The following ROR1 variants were observed in gnomAD, a reference collection of about 807,000 sequenced individuals.
The protein encoded by ROR1 is ROR family WNT receptor 1, also known as inactive tyrosine-protein kinase transmembrane receptor ROR1.
Under a neutral mutation model 78.8 loss-of-function variants are expected in ROR1, and 19 were observed. The observed-to-expected ratio is 0.24, with a 90% confidence interval of 0.17 to 0.35. The LOEUF is 0.35. Among genes scored for constraint, ROR1 ranks in the 10% least tolerant of loss-of-function variants. The probability of loss-of-function intolerance (pLI) is 1.00; values close to 1 mark genes in which losing one functional copy is unlikely to be tolerated. For missense variants in ROR1, 917 were observed against 1,177.8 expected (o/e 0.78, Z 3.24); for synonymous variants, 386 against 433.6 (o/e 0.89, Z 1.36).
rs539017024 is a variant in ROR1, at chr1:64,031,349, T to C, written c.164-18342T>C. ...GACTGTAGAAGTCAGATGGATGAGGTACTTAGCCTTGCTATCCTGAGTACA... is the reference window on the plus strand; with the variant it reads ...GACTGTAGAAGTCAGATGGATGAGGCACTTAGCCTTGCTATCCTGAGTACA... On this transcript the variant is annotated intron_variant, in intron 2 of 8. Coordinates refer to ENST00000371079, the MANE Select transcript of ROR1 (RefSeq NM_005012.4). 1.8e-4 allele frequency among the ~76,000 whole-genome samples: 28 copies of C among 152,280 alleles called. 1 individual carries two copies. The East Asian group carries it at 5.4e-3, about 29-fold the overall frequency.
At chr1:63,815,060 G>GA (rs1173342705) in intron 1 of ROR1, among the ~76,000 whole-genome samples, 1 of 151,872 alleles carries the variant, frequency 6.6e-6, no homozygotes, top group East Asian at 1.9e-4. Context: ...GATCTCTTTG[G>GA]AAAAAAGGGC....
At chr1:63,966,766 T>C (rs1420836687) in intron 1 of ROR1, among the ~76,000 whole-genome samples, 1 of 152,210 alleles carries the variant, frequency 6.6e-6, no homozygotes, top group Non-Finnish European at 1.5e-5. Context: ...TTAGCTTTCC[T>C]TTCAACTGAG....
chr1:63,958,387 A>T (rs1398694284), intron 1 of ROR1, among the ~76,000 whole-genome samples: 1 of 152,140 alleles, frequency 6.6e-6, no homozygotes, highest in Admixed American at 6.5e-5. Context: ...ACATAGGATT[A>T]TGGTTTCGGG....
At chr1:63,999,598 G>A (rs1402384155) in intron 1 of ROR1, among the ~76,000 whole-genome samples, 1 of 151,964 alleles carries the variant, frequency 6.6e-6, no homozygotes, top group Non-Finnish European at 1.5e-5. Context: ...ATGAAGTAAA[G>A]AACTGTCTCA....
chr1:64,173,662 C>T (rs1411554484), intron 8 of ROR1, among the ~76,000 whole-genome samples: 3 of 152,174 alleles, frequency 2.0e-5, no homozygotes, highest in East Asian at 1.9e-4. Flanking sequence ...CAAAATTAGG[C>T]GTTCTGTTTC....
intron 1 of ROR1, among the ~76,000 whole-genome samples, chr1:63,953,801 A>C (rs958468691): frequency 6.6e-6 from 1 of 152,196 alleles, no homozygotes; most frequent in Non-Finnish European, 1.5e-5. Flanking sequence ...GCTTGGAAGA[A>C]CATCTTGAAT....
rs545407708 is a variant in ROR1 at position 63,876,639 on chromosome 1, G to A, written c.91+102131G>A. ...AGAGTATGTATGCATGTGTTTCCACGAAAGGGGTGTGTGTGTGTGTGTGTG... is the reference window on the plus strand; with the variant it reads ...AGAGTATGTATGCATGTGTTTCCACAAAAGGGGTGTGTGTGTGTGTGTGTG... On this transcript the variant is annotated intron_variant, in intron 1 of 8. Coordinates refer to ENST00000371079, the MANE Select transcript of ROR1 (RefSeq NM_005012.4). Among the ~76,000 whole-genome samples the A allele has an allele frequency of 1.7e-4, 25 of 145,966 alleles. No homozygotes were observed. The South Asian group carries it at 2.7e-3, about 16-fold the overall frequency.
At chr1:64,114,830 G>A (rs946325069) in intron 4 of ROR1, among the ~76,000 whole-genome samples, 3 of 152,124 alleles carry the variant, frequency 2.0e-5, no homozygotes, top group Non-Finnish European at 4.4e-5. Context: ...GGTAAGCCAA[G>A]GCTCAGGACA....
chr1:64,177,294 A>G (rs746658433), intron 8 of ROR1, 134 bp from the exon 9 acceptor site: 25 of 690,930 alleles, frequency 3.6e-5, no homozygotes, highest in Non-Finnish European at 5.9e-5. Flanking sequence ...GATTTGAAAG[A>G]TATATAGACC....
intron 2 of ROR1, among the ~76,000 whole-genome samples, chr1:64,025,538 T>C (rs1203094264): frequency 2.0e-5 from 3 of 152,162 alleles, no homozygotes; most frequent in Non-Finnish European, 4.4e-5. Flanking sequence ...AAATGTGGTA[T>C]CAGTCCAAAT....
intron 3 of ROR1, 94 bp downstream of exon 3, chr1:64,050,072 C>T: frequency 7.3e-7 from 1 of 1,369,016 alleles, no homozygotes. Flanking sequence ...GGAATGCACA[C>T]TTAGTGAGAA....
chr1:64,112,639 CTT>C (rs1246765651), intron 4 of ROR1, among the ~76,000 whole-genome samples: 1 of 152,102 alleles, frequency 6.6e-6, no homozygotes, highest in African/African-American at 2.4e-5. Flanking sequence ...TTTCCCACCT[CTT>C]TGAGACTCTT....
rs1216030667 is a variant in ROR1 at position 64,178,516 on chromosome 1, T to A, written c.2475T>A (p.Pro825=). The A allele has an allele frequency of 1.9e-6, 3 of 1,614,128 alleles. No individual in the cohort carries two copies. The South Asian group carries it at 3.3e-5, about 18-fold the overall frequency. The change falls in exon 9 of 9, where the codon CCT becomes CCA. Residue 825 remains proline (P), a synonymous_variant. Coordinates refer to ENST00000371079, the MANE Select transcript of ROR1 (RefSeq NM_005012.4). The surrounding 1 kb of genome is among the most constrained non-coding windows in gnomAD (Gnocchi z 4.3). ...RFIPINGYPI[P]PGYAAFPAAH... is the part of the protein sequence containing the mutation. ...TTCCCATCAATGGATACCCAATACC[T>A]CCTGGATATGCAGCGTTTCCAGCTG...
At chr1:64,041,082 A>G (rs1646742189) in intron 2 of ROR1, among the ~76,000 whole-genome samples, 1 of 152,172 alleles carries the variant, frequency 6.6e-6, no homozygotes, top group Non-Finnish European at 1.5e-5. Context: ...TAGGGACAGG[A>G]GAAGAGTGTC....
chr1:64,111,764 T>G (rs949156913), intron 4 of ROR1, among the ~76,000 whole-genome samples: 1 of 152,208 alleles, frequency 6.6e-6, no homozygotes, highest in African/African-American at 2.4e-5. Context: ...TGAACCCAAC[T>G]CACAGAAAAT....
At chr1:64,056,106 C>T (rs984955902) in intron 4 of ROR1, among the ~76,000 whole-genome samples, 3 of 152,206 alleles carry the variant, frequency 2.0e-5, no homozygotes, top group Non-Finnish European at 4.4e-5. Context: ...GTTGCTTCTA[C>T]TTTTTGCTTA....
intron 4 of ROR1, among the ~76,000 whole-genome samples, chr1:64,095,562 A>G (rs1002494724): frequency 2.0e-5 from 3 of 152,194 alleles, no homozygotes; most frequent in African/African-American, 7.2e-5. Flanking sequence ...CCTGGGTGCC[A>G]TAACATTTGA....
intron 1 of ROR1, among the ~76,000 whole-genome samples, chr1:63,777,686 T>G (rs1312608800): frequency 1.3e-5 from 2 of 152,194 alleles, no homozygotes; most frequent in Non-Finnish European, 2.9e-5. Flanking sequence ...AAAGTGTCAC[T>G]TGCTCTGAAA....
chr1:63,989,736 A>G (rs1646280091), intron 1 of ROR1, among the ~76,000 whole-genome samples: 1 of 151,944 alleles, frequency 6.6e-6, no homozygotes. Context: ...CTCATCATGT[A>G]TATCAGTCAA....
Sources: gnomAD v4.1 joint callset for allele counts (sites outside exome capture counted in the v4.1 genomes callset) on GRCh38, gnomAD v4.1.1 for gene constraint, Gnocchi (gnomAD v3.1) non-coding constraint, MANE v1.5 for transcripts, NCBI Gene and HGNC (gene_info 2026-07-23, HGNC 2026-07-21) for gene names.